The following NLRP1 variants were observed in gnomAD, a reference collection of about 807,000 sequenced individuals.
NLRP1 encodes the protein NLR family pyrin domain containing 1.
A neutral mutation model predicts 136.7 loss-of-function variants in NLRP1; 94 were observed. The ratio of observed to expected loss-of-function variants is 0.69; its 90% CI spans 0.58 to 0.82. NLRP1 has a LOEUF of 0.82. NLRP1 is among the 40% of genes least tolerant of loss of function. NLRP1 has a pLI of 0.00. For synonymous variants in NLRP1, 690 were observed against 725.1 expected, an observed-to-expected ratio of 0.95 and a Z score of 0.78; for missense variants, 1,575 against 1,802.7, an observed-to-expected ratio of 0.87 and a Z score of 2.29.
At chr17:5,569,494 C>A (rs1015996183) in intron 3 of NLRP1, among the ~76,000 whole-genome samples, 3 of 152,090 alleles carry the variant, frequency 2.0e-5, no homozygotes, top group South Asian at 2.1e-4. Flanking sequence ...ACAAAACAGA[C>A]TTCAAATCAA....
In NLRP1 at chr17:5,536,882, C is replaced by A. The variant is rs1194021561; in HGVS notation, c.2929G>T (p.Glu977Ter). The A allele has an allele frequency of 6.2e-7, 1 of 1,613,698 alleles. No homozygotes were observed. The change falls in exon 8 of 17, where the codon GAG (glutamate) becomes TAG (stop). Residue 977 changes from glutamate (E) to a stop codon, truncating the protein, a stop_gained. Coordinates refer to ENST00000572272, the MANE Select transcript of NLRP1 (RefSeq NM_033004.4). LOFTEE classifies it high-confidence loss of function. ...CTGAAGATGAGCAGCTGAGGTTTCT[C>A]CTGCTCCAGGGCCCTCAGTTCCTGC... is the stretch of plus-strand genomic sequence containing the variant. Reference protein sequence around the residue: ...MRQELRALEQEKPQLLIFSRR... With the variant: ...MRQELRALEQ
At chr17:5,513,130 C>T (rs1387768429), downstream of NLRP1, among the ~76,000 whole-genome samples, 2 of 152,210 alleles carry the variant, frequency 1.3e-5, no homozygotes, top group Non-Finnish European at 2.9e-5. Context: ...CAGCATTAAC[C>T]TTTTTTTCTT....
chr17:5,512,476 G>A (rs796394328), downstream of NLRP1: 52 of 700,602 alleles, frequency 7.4e-5, no homozygotes, highest in African/African-American at 8.8e-4. Context: ...ACACACCATT[G>A]CATTTTTCTT....
chr17:5,551,386 T>C (rs1203987035), intron 5 of NLRP1, among the ~76,000 whole-genome samples: 1 of 152,230 alleles, frequency 6.6e-6, no homozygotes, highest in South Asian at 2.1e-4. Context: ...CATTGAATAA[T>C]AGTCCATTGT....
At chr17:5,510,220 G>A (rs571521422), downstream of NLRP1, among the ~76,000 whole-genome samples, 5 of 152,088 alleles carry the variant, frequency 3.3e-5, no homozygotes, top group African/African-American at 1.2e-4. Flanking sequence ...TTTAGAGACA[G>A]GATCTTGCTC....
At position 5,584,119 on chromosome 17, in the gene NLRP1, G is replaced by C. The variant is rs1257931953; in HGVS notation, c.-162C>G. The C allele has an allele frequency of 2.9e-6, 2 of 679,798 alleles. No homozygotes were observed. The highest frequency in any genetic ancestry group is 2.7e-5 in the East Asian group (1 of 36,696). The allele number at this position is 679,798 out of a possible 1,614,324, so 42.1% of individuals were successfully genotyped here. A position where few individuals can be genotyped will look rare whatever the true frequency, so the allele number is the denominator to read the frequency against. ...CCCAGGGCACCTACAGATAGACGCC[G>C]ATAGAGGGGGAGTGGTAGGAAAAGC... On this transcript the variant is annotated 5_prime_UTR_variant, in exon 1 of 17. In the 5' UTR this introduces an upstream ATG that the reference lacks. Transcript: ENST00000572272.
Position 5,558,729 on chromosome 17 carries a change from G to A in NLRP1, c.1967C>T (p.Thr656Met), listed in dbSNP as rs769370941. ...HSNCIIDLEKTLEAYGIHGLF... is the reference protein window; with the variant it reads ...HSNCIIDLEKMLEAYGIHGLF... ...GCCATGTATTCCATATGCTTCTAGCGTCTTTTCCAAATCTATGATGCAATT... is the reference window on the plus strand; with the variant it reads ...GCCATGTATTCCATATGCTTCTAGCATCTTTTCCAAATCTATGATGCAATT... Residue 656 changes from threonine to methionine, a missense_variant, in exon 4 of 17, where the codon ACG becomes ATG. Coordinates refer to ENST00000572272, the MANE Select transcript of NLRP1 (RefSeq NM_033004.4). The A allele has an allele frequency of 3.8e-5, 62 of 1,614,038 alleles. No individual in the cohort carries two copies. The highest frequency in any genetic ancestry group is 1.8e-4 in the Admixed American group (11 of 59,998).
chr17:5,560,420 G>C (rs1914601924), intron 3 of NLRP1, among the ~76,000 whole-genome samples: 1 of 152,068 alleles, frequency 6.6e-6, no homozygotes, highest in Non-Finnish European at 1.5e-5. Context: ...TGTAAGCTGG[G>C]GGTTGTAGGT....
In NLRP1 at chr17:5,530,709, G is replaced by A. The variant is rs760601231; in HGVS notation, c.3297-5C>T. On this transcript the variant is annotated splice_polypyrimidine_tract_variant and splice_region_variant and intron_variant, in intron 11 of 16. Transcript: ENST00000572272. ...CCAGCTACAGGGAAGTGAACTCTGG[G>A]AAGAAGAGGGAGAGGCAGACACTTA... 9 of 1,610,890 alleles carry A rather than the reference G, an allele frequency of 5.6e-6. No individual in the cohort carries two copies. In the South Asian group the frequency reaches 9.9e-5, roughly 18 times the overall value.
chr17:5,576,240 T>C (rs547486752), intron 3 of NLRP1, among the ~76,000 whole-genome samples: 8 of 151,970 alleles, frequency 5.3e-5, no homozygotes, highest in Non-Finnish European at 1.0e-4. Flanking sequence ...GCAAACACAT[T>C]CAAAAGCTAG....
chr17:5,546,184 C>T (rs1166552778), intron 5 of NLRP1, among the ~76,000 whole-genome samples: 1 of 152,204 alleles, frequency 6.6e-6, no homozygotes, highest in Non-Finnish European at 1.5e-5. Flanking sequence ...GATGTCTTTA[C>T]CAAGTTTCAG....
At chr17:5,538,876 G>A (rs1193185191) in intron 7 of NLRP1, among the ~76,000 whole-genome samples, 6 of 149,514 alleles carry the variant, frequency 4.0e-5, no homozygotes, top group Non-Finnish European at 9.0e-5. Flanking sequence ...TATTTTATTT[G>A]TTTAATTAAT....
At position 5,559,177 on chromosome 17, in the gene NLRP1, C is replaced by G; in HGVS notation, c.1519G>C (p.Val507Leu). The change falls in exon 4 of 17, where the codon GTC (valine) becomes CTC (leucine). Residue 507 changes from valine to leucine, a missense_variant. Val to Leu is a conservative substitution (Grantham distance 32). Transcript: ENST00000572272. Reference protein sequence around the residue: ...ERQAIRAFRLVKSNKELWALC... With the variant: ...ERQAIRAFRLLKSNKELWALC... ...GCCCAGAGCTCTTTGTTTGATTTGA[C>G]CAACCTAAAGGCTCTAATTGCTTGC... The G allele has an allele frequency of 6.2e-7, 1 of 1,614,186 alleles. No individual in the cohort carries two copies. Among genetic ancestry groups the G allele is most frequent in the Non-Finnish European group, 8.5e-7 (1 of 1,180,044 alleles).
At chr17:5,562,536 A>C (rs1208424797) in intron 3 of NLRP1, among the ~76,000 whole-genome samples, 3 of 152,216 alleles carry the variant, frequency 2.0e-5, no homozygotes, top group Non-Finnish European at 4.4e-5. Context: ...GGAGTGGACT[A>C]AGTGAGAAGG....
At chr17:5,544,463 C>T (rs1355008601) in intron 5 of NLRP1, among the ~76,000 whole-genome samples, 1 of 152,220 alleles carries the variant, frequency 6.6e-6, no homozygotes, top group East Asian at 1.9e-4. Flanking sequence ...ATTTTACCCA[C>T]TCTGGGGCAT....
chr17:5,554,381 C>G (rs753347490), intron 4 of NLRP1, among the ~76,000 whole-genome samples: 10 of 152,204 alleles, frequency 6.6e-5, no homozygotes, highest in Non-Finnish European at 1.2e-4. Flanking sequence ...ACTCAAATCT[C>G]TATTCCAAGT....
intron 4 of NLRP1, among the ~76,000 whole-genome samples, chr17:5,555,368 T>C (rs9895299): frequency 0.57 from 86,487 of 151,856 alleles, 25,168 homozygotes; most frequent in East Asian, 0.83. Context: ...TTATAGTAGC[T>C]TCCTTATTCT....
At chr17:5,509,625 T>G (rs148591325), downstream of NLRP1, among the ~76,000 whole-genome samples, 1 of 152,182 alleles carries the variant, frequency 6.6e-6, no homozygotes, top group Admixed American at 6.5e-5. Context: ...TGGAGTACAA[T>G]GGCGTGATCT....
intron 11 of NLRP1, among the ~76,000 whole-genome samples, chr17:5,531,714 C>T (rs1910292935): frequency 6.6e-6 from 1 of 152,074 alleles, no homozygotes; most frequent in Admixed American, 6.6e-5. Context: ...TGAGTGGTAA[C>T]ATGTTATATA....
Sources: gnomAD v4.1 joint callset for allele counts (sites outside exome capture counted in the v4.1 genomes callset) on GRCh38, gnomAD v4.1.1 for gene constraint, MANE v1.5 for transcripts, NCBI Gene and HGNC (gene_info 2026-07-23, HGNC 2026-07-21) for gene names.